Variants in RBFOX1 observed in about 807,000 individuals in gnomAD.
The protein encoded by RBFOX1 is RNA binding fox-1 homolog 1.
Under a neutral mutation model 57.7 loss-of-function variants are expected in RBFOX1, and 8 were observed. The observed-to-expected ratio is 0.14, with a 90% CI of 0.08 to 0.25. RBFOX1 has a LOEUF of 0.25. Among genes scored for constraint, RBFOX1 ranks in the 10% least tolerant of loss-of-function variants. The pLI, the probability that RBFOX1 is intolerant of heterozygous loss-of-function variation, is 1.00. For synonymous variants in RBFOX1, 326 were observed against 222.4 expected (o/e 1.47, Z -4.15); for missense variants, 611 against 548.5 (o/e 1.11, Z -1.14).
rs535586408 is a variant in RBFOX1 at position 6,820,314 on chromosome 16, C to T, written c.-16+165664C>T. On this transcript the variant is annotated intron_variant, in intron 3 of 15. Transcript: ENST00000550418. ...TTATGAAAATAGACTAATACGTCCTCTTAATCATCAAATAATCTTTTGATT... is the reference window on the plus strand; with the variant it reads ...TTATGAAAATAGACTAATACGTCCTTTTAATCATCAAATAATCTTTTGATT... Among the ~76,000 whole-genome samples, 5 of 152,248 alleles carry T rather than the reference C, an allele frequency of 3.3e-5. No homozygotes were observed. In the South Asian group the frequency reaches 8.3e-4, roughly 25 times the overall value.
chr16:7,179,649 C>A (rs1308469433), intron 4 of RBFOX1, among the ~76,000 whole-genome samples: 1 of 152,044 alleles, frequency 6.6e-6, no homozygotes, highest in African/African-American at 2.4e-5. Context: ...GAGATTCCAA[C>A]AGCAACACAA....
rs1272097600 is a variant in RBFOX1, at chr16:5,718,477, T to C, written c.318+119516T>C. 2.0e-5 allele frequency among the ~76,000 whole-genome samples: 3 copies of C among 152,250 alleles called. No individual in the cohort carries two copies. The East Asian group carries it at 5.8e-4, about 29-fold the overall frequency. ...TGATAGCTAACTGATAAACTCTCTT[T>C]AGATGTGAGCTCCATGAAGGCTGGG... On this transcript the variant is annotated intron_variant, in intron 3 of 19. Coordinates refer to the RBFOX1 transcript ENST00000641259.
intron 1 of RBFOX1, among the ~76,000 whole-genome samples, chr16:6,276,272 G>A (rs1347700227): frequency 6.6e-6 from 1 of 152,184 alleles, no homozygotes; most frequent in Admixed American, 6.5e-5. Context: ...GAATGTCACG[G>A]AAGTGGTCGT....
At chr16:7,104,464 A>G (rs1027831776) in intron 4 of RBFOX1, among the ~76,000 whole-genome samples, 2 of 150,504 alleles carry the variant, frequency 1.3e-5, no homozygotes, top group African/African-American at 2.5e-5. Flanking sequence ...TAATTCATGG[A>G]CAAGGAAAGA....
intron 1 of RBFOX1, among the ~76,000 whole-genome samples, chr16:6,098,029 A>G (rs4786816): frequency 0.7 from 105,937 of 152,032 alleles, 38,253 homozygotes; most frequent in African/African-American, 0.89. Context: ...GCTGGTGCTC[A>G]CTTGGCATAG....
intron 4 of RBFOX1, among the ~76,000 whole-genome samples, chr16:7,362,925 A>C (rs957374034): frequency 2.0e-5 from 3 of 152,130 alleles, no homozygotes; most frequent in African/African-American, 4.8e-5. Flanking sequence ...TCAGCTCTGC[A>C]CTAGTGTGTG....
chr16:7,526,072 A>C (rs569794096), intron 5 of RBFOX1, among the ~76,000 whole-genome samples: 1 of 152,354 alleles, frequency 6.6e-6, no homozygotes, highest in Non-Finnish European at 1.5e-5. Context: ...TGTCAGATCA[A>C]CAATGGCATT....
intron 2 of RBFOX1, among the ~76,000 whole-genome samples, chr16:6,527,622 A>C (rs957818035): frequency 6.6e-6 from 1 of 152,156 alleles, no homozygotes; most frequent in African/African-American, 2.4e-5. Context: ...AATGATGTGG[A>C]AACCCCCTTA....
At chr16:6,693,599 A>G (rs115197225) in intron 3 of RBFOX1, among the ~76,000 whole-genome samples, 2,480 of 150,604 alleles carry the variant, frequency 0.016, 64 homozygotes, top group African/African-American at 0.057. Context: ...CTCCACTACC[A>G]TCACCACCAT....
At chr16:6,194,201 C>G (rs1456191620) in intron 1 of RBFOX1, among the ~76,000 whole-genome samples, 3 of 152,126 alleles carry the variant, frequency 2.0e-5, no homozygotes, top group African/African-American at 7.2e-5. Flanking sequence ...TGCAGCTCCC[C>G]CATCTCAACC....
In RBFOX1 at chr16:6,880,437, G is replaced by C. The variant is rs188732579; in HGVS notation, c.-15-171620G>C. Among the ~76,000 whole-genome samples, 243 of 152,330 alleles carry C rather than the reference G, an allele frequency of 1.6e-3. 1 individual carries two copies. The highest frequency in any genetic ancestry group is 5.6e-3 in the African/African-American group (231 of 41,580). ...CATGTGACCCAGGTGCAGCCAATCA[G>C]GGTTTGCTCTTCCCCTGTGTTGGTC... On this transcript the variant is annotated intron_variant, in intron 3 of 15. Coordinates refer to ENST00000550418, the MANE Select transcript of RBFOX1 (RefSeq NM_018723.4).
chr16:7,427,213 A>G (rs1043692243), intron 4 of RBFOX1, among the ~76,000 whole-genome samples: 4 of 152,204 alleles, frequency 2.6e-5, no homozygotes, highest in African/African-American at 9.6e-5. Context: ...ATGTATACAT[A>G]TGTAACAAAC....
intron 3 of RBFOX1, among the ~76,000 whole-genome samples, chr16:6,972,459 T>A (rs979859614): frequency 6.6e-6 from 1 of 152,220 alleles, no homozygotes; most frequent in Admixed American, 6.5e-5. Context: ...TTATGTGGAA[T>A]GGATACATTG....
intron 4 of RBFOX1, among the ~76,000 whole-genome samples, chr16:5,879,167 C>T (rs762377022): frequency 3.9e-5 from 6 of 152,154 alleles, no homozygotes; most frequent in Non-Finnish European, 7.3e-5. Flanking sequence ...TGTATGGAAA[C>T]GCCATGTGAG....
chr16:7,443,982 A>G (rs1050011429), intron 4 of RBFOX1, among the ~76,000 whole-genome samples: 4 of 152,176 alleles, frequency 2.6e-5, no homozygotes, highest in Non-Finnish European at 5.9e-5. Flanking sequence ...TATCTTCAAG[A>G]GAAACTTCCA....
chr16:7,187,795 C>T (rs1356309748), intron 4 of RBFOX1, among the ~76,000 whole-genome samples: 1 of 148,570 alleles, frequency 6.7e-6, no homozygotes, highest in African/African-American at 2.5e-5. Flanking sequence ...TATTCATCAG[C>T]ATTTTTCTTA....
Position 7,393,592 on chromosome 16 carries a change from C to T in RBFOX1, c.28-124555C>T, listed in dbSNP as rs761164027. 4.6e-5 allele frequency among the ~76,000 whole-genome samples: 7 copies of T among 152,158 alleles called. No homozygotes were observed. In the East Asian group the frequency reaches 1.2e-3, roughly 25 times the overall value. On this transcript the variant is annotated intron_variant, in intron 4 of 15. Coordinates refer to ENST00000550418, the MANE Select transcript of RBFOX1 (RefSeq NM_018723.4). ...GCTATAGGGGGTGGTGGTAATGAAT[C>T]AGGATAAGGCAGAGGAAGGTATGGT... is the stretch of plus-strand genomic sequence containing the variant.
chr16:7,243,050 G>T (rs916332634), intron 4 of RBFOX1, among the ~76,000 whole-genome samples: 39 of 151,996 alleles, frequency 2.6e-4, no homozygotes, highest in African/African-American at 9.2e-4. Context: ...ATATAAATTG[G>T]TAATATAATA....
intron 11 of RBFOX1, among the ~76,000 whole-genome samples, chr16:7,641,424 C>A (rs2062769977): frequency 1.3e-5 from 2 of 152,266 alleles, no homozygotes; most frequent in Middle Eastern, 3.4e-3. Flanking sequence ...AGCTATTTAT[C>A]CCTAATGGAG....
Sources: allele counts gnomAD v4.1 joint callset (sites outside exome capture counted in the v4.1 genomes callset), GRCh38; gene constraint gnomAD v4.1.1; transcripts MANE v1.5; gene names NCBI Gene and HGNC (gene_info 2026-07-23, HGNC 2026-07-21).